EPB41L4A: variants seen among roughly 807,000 people sequenced by gnomAD.
EPB41L4A encodes the protein band 4.1-like protein 4A.
EPB41L4A carries 100 observed loss-of-function variants against 108.6 expected under a neutral mutation model. The observed-to-expected ratio is 0.92, with a 90% confidence interval of 0.78 to 1.09. The LOEUF is 1.09. EPB41L4A is among the 50% of genes least tolerant of loss of function. EPB41L4A has a pLI of 0.00. For synonymous variants in EPB41L4A, 319 were observed against 289.0 expected (o/e 1.10, Z -1.05); for missense variants, 1,030 against 842.7 (o/e 1.22, Z -2.75).
chr5:112,410,448 T>G (rs1016993696), intron 1 of EPB41L4A, among the ~76,000 whole-genome samples: 1 of 152,044 alleles, frequency 6.6e-6, no homozygotes, highest in African/African-American at 2.4e-5. Flanking sequence ...AGCTGAGAAC[T>G]GAGAAGGGCC....
At chr5:112,265,056 AAAT>A in intron 5 of EPB41L4A, 40 bp from the exon 6 acceptor site, 1 of 1,505,480 alleles carries the variant, frequency 6.6e-7, no homozygotes, top group East Asian at 2.4e-5. Context: ...CATTTTAGGA[AAAT>A]AGTCCTTAAA....
intron 1 of EPB41L4A, among the ~76,000 whole-genome samples, chr5:112,320,956 C>A (rs1056676548): frequency 6.6e-6 from 1 of 152,136 alleles, no homozygotes; most frequent in Admixed American, 6.6e-5. Flanking sequence ...GTTGGCGCCC[C>A]CACTGTGAGG....
intron 1 of EPB41L4A, among the ~76,000 whole-genome samples, chr5:112,381,975 C>T (rs1438854886): frequency 6.6e-6 from 1 of 152,200 alleles, no homozygotes; most frequent in African/African-American, 2.4e-5. Flanking sequence ...CTGCAAATCA[C>T]AGTCAATGGC....
chr5:112,400,691 G>C (rs976724443), intron 1 of EPB41L4A, among the ~76,000 whole-genome samples: 1 of 152,100 alleles, frequency 6.6e-6, no homozygotes, highest in African/African-American at 2.4e-5. Context: ...CCAGTGTTGG[G>C]GAGTACAATT....
At chr5:112,414,924 G>A (rs1220599749) in intron 1 of EPB41L4A, among the ~76,000 whole-genome samples, 2 of 152,076 alleles carry the variant, frequency 1.3e-5, no homozygotes, top group East Asian at 3.9e-4. Context: ...CAAGACCACA[G>A]TGAATCTTAC....
Position 112,191,246 on chromosome 5 carries a change from T to C in EPB41L4A, c.1502+3322A>G, listed in dbSNP as rs149592289. On this transcript the variant is annotated intron_variant, in intron 17 of 22. Coordinates refer to ENST00000261486, the MANE Select transcript of EPB41L4A (RefSeq NM_022140.5). ...AGAAGCAGGGTGAATTACTCTGGTG[T>C]TCTAGGAAACACGGTAGGATGAAGC... Among the ~76,000 whole-genome samples the C allele has an allele frequency of 6.0e-3, 916 of 152,224 alleles. 18 individuals carry two copies. In the South Asian group the frequency reaches 0.064, roughly 11 times the overall value.
chr5:112,224,922 C>A (rs935297243), intron 12 of EPB41L4A, among the ~76,000 whole-genome samples: 2 of 152,206 alleles, frequency 1.3e-5, no homozygotes, highest in Non-Finnish European at 2.9e-5. Flanking sequence ...AATTCTAGGT[C>A]AGAATGTCTT....
chr5:112,151,273 A>T (rs56071484), intron 12 of EPB41L4A, among the ~76,000 whole-genome samples: 6 of 151,876 alleles, frequency 4.0e-5, no homozygotes, highest in Non-Finnish European at 7.4e-5. Flanking sequence ...AATATACAAT[A>T]ATAGAATTAA....
chr5:112,360,179 T>G (rs796488970), intron 1 of EPB41L4A, among the ~76,000 whole-genome samples: 14 of 152,230 alleles, frequency 9.2e-5, no homozygotes, highest in African/African-American at 2.9e-4. Context: ...TCCCAGCACT[T>G]TGGGAGGCCG....
intron 1 of EPB41L4A, among the ~76,000 whole-genome samples, chr5:112,329,852 G>A (rs776845869): frequency 3.3e-5 from 5 of 151,872 alleles, no homozygotes; most frequent in South Asian, 2.1e-4. Context: ...TGGGTGGCCC[G>A]CAGGGTTATC....
intron 12 of EPB41L4A, among the ~76,000 whole-genome samples, chr5:112,221,099 C>A (rs1321863035): frequency 6.6e-6 from 1 of 152,128 alleles, no homozygotes; most frequent in African/African-American, 2.4e-5. Flanking sequence ...AGCCATGAAC[C>A]TAGTGATAAG....
chr5:112,230,981 A>T (rs971298154), intron 12 of EPB41L4A, among the ~76,000 whole-genome samples: 1 of 152,230 alleles, frequency 6.6e-6, no homozygotes, highest in African/African-American at 2.4e-5. Context: ...GGTCTCAGCA[A>T]AGTCTTAAAT....
At chr5:112,408,312 T>C in intron 1 of EPB41L4A, among the ~76,000 whole-genome samples, 2 of 152,040 alleles carry the variant, frequency 1.3e-5, no homozygotes, top group East Asian at 3.9e-4. Flanking sequence ...TTCTCAGATA[T>C]GACACCAAAA....
chr5:112,312,657 TA>T, intron 1 of EPB41L4A, among the ~76,000 whole-genome samples: 1 of 152,320 alleles, frequency 6.6e-6, no homozygotes, highest in Non-Finnish European at 1.5e-5. Flanking sequence ...ATGCCAGAGG[TA>T]AATTAGCTAT....
chr5:112,382,579 T>C (rs10071058), intron 1 of EPB41L4A, among the ~76,000 whole-genome samples: 3,976 of 152,310 alleles, frequency 0.026, 170 homozygotes, highest in African/African-American at 0.083. Flanking sequence ...AGTAAAAATA[T>C]AGCAGGAATA....
intron 1 of EPB41L4A, among the ~76,000 whole-genome samples, chr5:112,412,941 G>A (rs1762496856): frequency 6.6e-6 from 1 of 152,172 alleles, no homozygotes; most frequent in Non-Finnish European, 1.5e-5. Context: ...GTAAGCCTTA[G>A]AGCAGTGTCA....
chr5:112,257,073 G>A (rs962243501), intron 9 of EPB41L4A: 4 of 152,150 alleles, frequency 2.6e-5, no homozygotes, highest in African/African-American at 7.2e-5. Context: ...TCTTCATGCT[G>A]AATGTGATTA....
intron 18 of EPB41L4A, among the ~76,000 whole-genome samples, chr5:112,176,079 C>A (rs1760846424): frequency 6.6e-6 from 1 of 152,148 alleles, no homozygotes; most frequent in Admixed American, 6.5e-5. Flanking sequence ...AAATACCTTG[C>A]AGTGTTTCTA....
intron 1 of EPB41L4A, among the ~76,000 whole-genome samples, chr5:112,356,554 A>C (rs1286076051): frequency 6.6e-6 from 1 of 152,258 alleles, no homozygotes; most frequent in East Asian, 1.9e-4. Flanking sequence ...CAAGAAACAT[A>C]AGAAAACATC....
Sources: allele counts gnomAD v4.1 joint callset (sites outside exome capture counted in the v4.1 genomes callset), GRCh38; gene constraint gnomAD v4.1.1; transcripts MANE v1.5; gene names NCBI Gene and HGNC (gene_info 2026-07-23, HGNC 2026-07-21).